SASH1: variants seen among roughly 807,000 people sequenced by gnomAD.
The protein encoded by SASH1 is SAM and SH3 domain containing 1.
SASH1 carries 44 observed loss-of-function variants against 125.2 expected under a neutral mutation model. That is an observed-to-expected ratio of 0.35 (90% CI 0.28 to 0.45). The LOEUF (loss-of-function observed/expected upper bound fraction) is 0.45, where lower values mean the gene tolerates loss of function less well. SASH1 is among the 20% of genes least tolerant of loss of function. The pLI is 1.00. For missense variants in SASH1, 1,426 were observed against 1,614.5 expected (o/e 0.88, Z 2.00); for synonymous variants, 639 against 649.1 (o/e 0.98, Z 0.24).
intron 7 of SASH1, among the ~76,000 whole-genome samples, chr6:148,484,349 C>T (rs1325932195): frequency 6.6e-6 from 1 of 152,082 alleles, no homozygotes; most frequent in Non-Finnish European, 1.5e-5. Context: ...CACACACACA[C>T]ACCTTAAAAT....
At chr6:148,347,363 CAT>C (rs1562339262) in intron 1 of SASH1, among the ~76,000 whole-genome samples, 1 of 152,154 alleles carries the variant, frequency 6.6e-6, no homozygotes, top group African/African-American at 2.4e-5. Context: ...AAAAAATATC[CAT>C]TGTATAGAGA....
intron 1 of SASH1, among the ~76,000 whole-genome samples, chr6:148,330,838 G>A (rs938225225): frequency 3.3e-5 from 5 of 152,098 alleles, no homozygotes; most frequent in Non-Finnish European, 7.4e-5. Flanking sequence ...TGCCAGCCTC[G>A]GCCTCCCAAA....
At chr6:148,498,679 C>T (rs186628528) in intron 8 of SASH1, among the ~76,000 whole-genome samples, 1 of 152,266 alleles carries the variant, frequency 6.6e-6, no homozygotes, top group Admixed American at 6.5e-5. Flanking sequence ...CCCCTGCTAG[C>T]TGATTATATT....
intron 4 of SASH1, among the ~76,000 whole-genome samples, chr6:148,451,437 C>G (rs559017047): frequency 7.9e-5 from 12 of 152,156 alleles, no homozygotes; most frequent in African/African-American, 2.7e-4. Context: ...CTAAGGGTTG[C>G]CCCCCTTTTC....
At chr6:148,386,467 TCA>T (rs769317760) in intron 1 of SASH1, among the ~76,000 whole-genome samples, 2 of 152,166 alleles carry the variant, frequency 1.3e-5, no homozygotes, top group East Asian at 3.8e-4. Context: ...TTGGAATACC[TCA>T]GTGTGGACCT....
chr6:148,491,559 C>T (rs1161800403), intron 8 of SASH1, among the ~76,000 whole-genome samples: 2 of 152,104 alleles, frequency 1.3e-5, no homozygotes, highest in East Asian at 3.9e-4. Context: ...CGTGAGCCAC[C>T]GCACCTGGCC....
At chr6:148,403,565 T>G (rs998446869) in intron 2 of SASH1, among the ~76,000 whole-genome samples, 1 of 152,200 alleles carries the variant, frequency 6.6e-6, no homozygotes, top group African/African-American at 2.4e-5. Context: ...GTTTTTGCTC[T>G]TGTCACCTAG....
the SASH1 span, among the ~76,000 whole-genome samples, chr6:148,239,094 G>A: frequency 6.6e-6 from 1 of 152,156 alleles, no homozygotes; most frequent in Non-Finnish European, 1.5e-5. Flanking sequence ...TCTATCACGG[G>A]ACCTCATTTT....
intron 17 of SASH1, among the ~76,000 whole-genome samples, chr6:148,541,230 C>T (rs1353520472): frequency 4.6e-5 from 7 of 150,764 alleles, no homozygotes; most frequent in Non-Finnish European, 7.4e-5. Flanking sequence ...TCTTGAAGGC[C>T]GTCATAAAAA....
At chr6:148,230,269 C>T in the SASH1 span, among the ~76,000 whole-genome samples, 1 of 152,090 alleles carries the variant, frequency 6.6e-6, no homozygotes, top group South Asian at 2.1e-4. Context: ...TGAATAATAC[C>T]TCATTGTATG....
At chr6:148,369,409 AT>A (rs1214254373) in intron 1 of SASH1, among the ~76,000 whole-genome samples, 4 of 152,198 alleles carry the variant, frequency 2.6e-5, no homozygotes, top group African/African-American at 9.6e-5. Flanking sequence ...AGAGTTGGTC[AT>A]CATAGTCTAT....
At chr6:148,257,671 G>A in the SASH1 span, among the ~76,000 whole-genome samples, 46 of 138,124 alleles carry the variant, frequency 3.3e-4, no homozygotes, top group Non-Finnish European at 6.0e-4. Flanking sequence ...TCACTCTGTC[G>A]CCAGGCTAGA....
chr6:148,480,463 G>A (rs1778570527), intron 7 of SASH1: 1 of 152,116 alleles, frequency 6.6e-6, no homozygotes, highest in Admixed American at 6.5e-5. Context: ...ATTCCTGCAG[G>A]CCACCAAATG....
Position 148,307,077 on chromosome 6 carries a change from TTTCTTTCTTTC to T in SASH1, n.74+34703_74+34713del, listed in dbSNP as rs1217229381. The stretch of plus-strand genomic sequence containing the variant: ...CTTTCTTTCTTTCTTTCTTTCTTTC[TTTCTTTCTTTC>T]TTTCTTTCTCTCTCTCTGTCTCTTT... On this transcript the variant is annotated intron_variant and non_coding_transcript_variant, in intron 1 of 3. Coordinates refer to the SASH1 transcript ENST00000367469. 2.7e-5 allele frequency among the ~76,000 whole-genome samples: 4 copies of T among 148,916 alleles called. No individual in the cohort carries two copies. In the South Asian group the frequency reaches 8.4e-4, roughly 31 times the overall value.
intron 1 of SASH1, among the ~76,000 whole-genome samples, chr6:148,377,200 AAAAAACAAAAC>A (rs754997745): frequency 0.3 from 44,157 of 144,964 alleles, 7,660 homozygotes; most frequent in Admixed American, 0.35. Flanking sequence ...AAAAACAAAA[AAAAAACAAAAC>A]AAACAAACAA....
intron 2 of SASH1, among the ~76,000 whole-genome samples, chr6:148,419,425 C>T (rs1318437850): frequency 2.6e-5 from 4 of 152,074 alleles, no homozygotes; most frequent in African/African-American, 9.7e-5. Flanking sequence ...GAGGTTGATG[C>T]CGTATCCCTA....
At chr6:148,320,138 G>T (rs2114570182) in intron 1 of SASH1, among the ~76,000 whole-genome samples, 1 of 152,324 alleles carries the variant, frequency 6.6e-6, no homozygotes, top group South Asian at 2.1e-4. Flanking sequence ...AAGTATGTAT[G>T]TATGAGAAAA....
intron 4 of SASH1, among the ~76,000 whole-genome samples, chr6:148,450,220 G>A (rs1777029320): frequency 6.6e-6 from 1 of 152,236 alleles, no homozygotes; most frequent in Non-Finnish European, 1.5e-5. Flanking sequence ...ATACACTCAG[G>A]CCACATCTCA....
chr6:148,274,885 A>G (rs1779144489), intron 1 of SASH1, among the ~76,000 whole-genome samples: 1 of 152,054 alleles, frequency 6.6e-6, no homozygotes. Context: ...CCAGTAACAA[A>G]CCCAGCACAT....
Sources: allele counts gnomAD v4.1 joint callset (sites outside exome capture counted in the v4.1 genomes callset), GRCh38; gene constraint gnomAD v4.1.1; transcripts MANE v1.5; gene names NCBI Gene and HGNC (gene_info 2026-07-23, HGNC 2026-07-21).